The following BTRC variants were observed in gnomAD, a reference collection of about 807,000 sequenced individuals.
The protein encoded by BTRC is F-box/WD repeat-containing protein 1A.
In BTRC, 42 loss-of-function variants were observed where a neutral mutation model predicts 85.5. That is an observed-to-expected ratio of 0.49 (90% CI 0.38 to 0.64). The LOEUF (loss-of-function observed/expected upper bound fraction) is 0.64. Among genes scored for constraint, BTRC ranks in the 30% least tolerant of loss-of-function variants. The probability of loss-of-function intolerance (pLI) is 0.00; values close to 1 mark genes in which losing one functional copy is unlikely to be tolerated. For missense variants in BTRC, 594 were observed against 743.5 expected (o/e 0.80, Z 2.34); for synonymous variants, 255 against 263.3 (o/e 0.97, Z 0.30).
intron 2 of BTRC, among the ~76,000 whole-genome samples, chr10:101,455,983 A>ACACACACACAC (rs1554881061): frequency 3.2e-4 from 31 of 96,036 alleles, no homozygotes; most frequent in Non-Finnish European, 4.2e-4. Flanking sequence ...CTCTACTAAA[A>ACACACACACAC]ACACACACAC....
At chr10:101,551,783 C>T (rs2062654352) in intron 14 of BTRC, among the ~76,000 whole-genome samples, 1 of 152,216 alleles carries the variant, frequency 6.6e-6, no homozygotes, top group Non-Finnish European at 1.5e-5. Flanking sequence ...GGACACGGTT[C>T]GTCGTTCCTC....
At chr10:101,477,253 C>T (rs762497337) in intron 3 of BTRC, among the ~76,000 whole-genome samples, 5 of 151,604 alleles carry the variant, frequency 3.3e-5, no homozygotes, top group Non-Finnish European at 1.5e-5. Context: ...CTCCTGCCTT[C>T]GCCCCCCAAA....
At chr10:101,505,362 G>A (rs2134306969) in intron 4 of BTRC, among the ~76,000 whole-genome samples, 1 of 149,492 alleles carries the variant, frequency 6.7e-6, no homozygotes, top group South Asian at 2.2e-4. Flanking sequence ...GCTTACGCCT[G>A]TAATCCCAGC....
At chr10:101,395,870 G>T (rs1001018661) in intron 1 of BTRC, among the ~76,000 whole-genome samples, 1 of 151,896 alleles carries the variant, frequency 6.6e-6, no homozygotes, top group South Asian at 2.1e-4. Flanking sequence ...AGTAATATTT[G>T]CATATTTTTT....
chr10:101,481,178 G>A (rs1366709300), intron 4 of BTRC, among the ~76,000 whole-genome samples: 1 of 152,048 alleles, frequency 6.6e-6, no homozygotes, highest in Non-Finnish European at 1.5e-5. Context: ...TCCTGGCCTC[G>A]AGTAATCCTC....
chr10:101,540,638 A>G (rs2062452194), intron 13 of BTRC, among the ~76,000 whole-genome samples: 1 of 152,214 alleles, frequency 6.6e-6, no homozygotes, highest in South Asian at 2.1e-4. Context: ...TTCAACCAAA[A>G]AAGTCTGCTG....
intron 1 of BTRC, among the ~76,000 whole-genome samples, chr10:101,422,608 C>T (rs1944134249): frequency 6.6e-6 from 1 of 152,182 alleles, no homozygotes. Context: ...TTAGGTCTAA[C>T]ATTTAAGTCT....
chr10:101,382,957 T>C (rs1408294037), intron 1 of BTRC, among the ~76,000 whole-genome samples: 2 of 152,112 alleles, frequency 1.3e-5, no homozygotes, highest in East Asian at 3.9e-4. Flanking sequence ...TGCAACACAC[T>C]ACTAAAGCTG....
chr10:101,390,762 TAAAA>T (rs59107806), intron 1 of BTRC, among the ~76,000 whole-genome samples: 21,114 of 150,692 alleles, frequency 0.14, 1,811 homozygotes, highest in East Asian at 0.5. Flanking sequence ...TTGTTTGTCT[TAAAA>T]AAGAAAGAAA....
intron 4 of BTRC, among the ~76,000 whole-genome samples, chr10:101,491,222 A>T (rs1258058717): frequency 2.0e-5 from 3 of 149,154 alleles, no homozygotes; most frequent in Non-Finnish European, 4.4e-5. Context: ...CTGAGATAAT[A>T]TTAGACAACT....
intron 4 of BTRC, among the ~76,000 whole-genome samples, chr10:101,506,133 C>T (rs9420845): frequency 0.3 from 44,957 of 151,940 alleles, 7,918 homozygotes; most frequent in Middle Eastern, 0.47. Flanking sequence ...AGGCTGATCT[C>T]GAACTCCCAA....
chr10:101,449,752 C>T (rs530721520), intron 2 of BTRC, among the ~76,000 whole-genome samples: 50 of 151,574 alleles, frequency 3.3e-4, no homozygotes, highest in African/African-American at 1.2e-3. Context: ...TTCATTTTGC[C>T]TTGCGTATTT....
In BTRC at chr10:101,531,269, A is replaced by G. The variant is rs1310097338; in HGVS notation, c.776A>G (p.Asp259Gly). 1.2e-6 allele frequency: 2 copies of G among 1,610,274 alleles called. No homozygotes were observed. The highest frequency in any genetic ancestry group is 1.7e-6 in the Non-Finnish European group (2 of 1,176,562). The change falls in exon 7 of 15, where the codon GAC becomes GGC. Residue 259 changes from aspartate to glycine, a missense_variant. Asp to Gly is a moderately conservative substitution (Grantham distance 94, BLOSUM62 -1). Transcript: ENST00000370187. Reference sequence around the variant, plus strand: ...TATTTATTCAAAAACAAACCTCCTGACGGGAATGCTCCTCCCAACTCTTTT... The same window carrying G: ...TATTTATTCAAAAACAAACCTCCTGGCGGGAATGCTCCTCCCAACTCTTTT... ...GQYLFKNKPP[D>G]GNAPPNSFYR...
chr10:101,501,670 C>T (rs1229523502), intron 4 of BTRC, among the ~76,000 whole-genome samples: 1 of 152,052 alleles, frequency 6.6e-6, no homozygotes. Flanking sequence ...ATTTATAGTG[C>T]TCCATATGAA....
At chr10:101,550,577 TG>T in intron 13 of BTRC, 121 bp from the exon 14 acceptor site, 2 of 1,030,070 alleles carry the variant, frequency 1.9e-6, no homozygotes, top group Non-Finnish European at 2.9e-6. Flanking sequence ...CCACTGCGCC[TG>T]GCCTCTTTAT....
chr10:101,383,497 T>C (rs1292264379), intron 1 of BTRC, among the ~76,000 whole-genome samples: 1 of 152,032 alleles, frequency 6.6e-6, no homozygotes, highest in Non-Finnish European at 1.5e-5. Flanking sequence ...ATTTGGACCG[T>C]TTTCTTCCTT....
At chr10:101,415,509 AT>A (rs1943915365) in intron 1 of BTRC, among the ~76,000 whole-genome samples, 3 of 4,414 alleles carry the variant, frequency 6.8e-4, no homozygotes, top group African/African-American at 5.5e-4. Context: ...ATGTTATGTT[AT>A]GTTATGTTAT....
At chr10:101,467,676 A>G (rs1945416287) in intron 3 of BTRC, among the ~76,000 whole-genome samples, 1 of 151,820 alleles carries the variant, frequency 6.6e-6, no homozygotes, top group Non-Finnish European at 1.5e-5. Context: ...TTGCCCTCCT[A>G]AAGTGCTTTG....
intron 2 of BTRC, among the ~76,000 whole-genome samples, chr10:101,445,910 G>A (rs893375621): frequency 6.6e-6 from 1 of 152,118 alleles, no homozygotes; most frequent in African/African-American, 2.4e-5. Flanking sequence ...CCAGCAATGG[G>A]CTGCGTTGTC....
Sources: gnomAD v4.1 joint callset for allele counts (sites outside exome capture counted in the v4.1 genomes callset) on GRCh38, gnomAD v4.1.1 for gene constraint, MANE v1.5 for transcripts, NCBI Gene and HGNC (gene_info 2026-07-23, HGNC 2026-07-21) for gene names.